RUNX3: variants seen among roughly 807,000 people sequenced by gnomAD.
The protein encoded by RUNX3 is runt-related transcription factor 3.
Under a neutral mutation model 27.7 loss-of-function variants are expected in RUNX3, and 10 were observed. The observed-to-expected ratio is 0.36, with a 90% CI of 0.22 to 0.61. RUNX3 has a LOEUF of 0.61. RUNX3 is among the 20% of genes least tolerant of loss of function. The pLI is 0.72. For synonymous variants in RUNX3, 270 were observed against 269.2 expected (o/e 1.00, Z -0.03); for missense variants, 469 against 629.5 (o/e 0.75, Z 2.73).
At chr1:24,947,759 T>G (rs1641647599) in intron 2 of RUNX3, among the ~76,000 whole-genome samples, 1 of 152,198 alleles carries the variant, frequency 6.6e-6, no homozygotes, top group Non-Finnish European at 1.5e-5. Context: ...CACCTGGAGT[T>G]CCCTGAATCC....
intron 2 of RUNX3, among the ~76,000 whole-genome samples, chr1:24,936,065 G>A (rs963285440): frequency 5.9e-5 from 9 of 152,212 alleles, no homozygotes; most frequent in African/African-American, 1.2e-4. Flanking sequence ...CATCAAACAC[G>A]GACTCTTCTA....
intron 2 of RUNX3, among the ~76,000 whole-genome samples, chr1:24,944,693 G>A (rs570282343): frequency 8.5e-5 from 13 of 152,320 alleles, no homozygotes; most frequent in African/African-American, 2.6e-4. Flanking sequence ...AGATGGCAGC[G>A]TGGGAAAAAC....
intron 2 of RUNX3, among the ~76,000 whole-genome samples, chr1:24,947,098 C>T (rs1230850389): frequency 2.6e-5 from 4 of 152,178 alleles, no homozygotes; most frequent in Admixed American, 6.5e-5. Flanking sequence ...TCTGTGTGTC[C>T]TCACGGTAAC....
Position 24,902,889 on chromosome 1 carries a change from G to C in RUNX3, c.704-223C>G, listed in dbSNP as rs1000752999. Among the ~76,000 whole-genome samples the C allele has an allele frequency of 6.6e-6, 1 of 150,792 alleles. No homozygotes were observed. The highest frequency in any genetic ancestry group is 2.4e-5 in the African/African-American group (1 of 41,420). On this transcript the variant is annotated intron_variant, in intron 4 of 4. Coordinates refer to ENST00000308873, the MANE Select transcript of RUNX3 (RefSeq NM_004350.3). This position sits in a 1 kb window ranked among gnomAD's most constrained non-coding sequence, Gnocchi z 9.2. The stretch of plus-strand genomic sequence containing the variant: ...TTGGAGCGTGCCCCGGGCCAAGAGG[G>C]GCCATGGGAGCCCCCCCACAGCAGC...
rs1641034938 is a variant in RUNX3, at chr1:24,923,263, G to A, written c.440-3919C>T. ...GGGGCCTAAGAGGAGGAGTGAGAGG[G>A]AGGGGCAGGAGTCCTGGACCTCGGG... On this transcript the variant is annotated intron_variant, in intron 2 of 4. Coordinates refer to ENST00000308873, the MANE Select transcript of RUNX3 (RefSeq NM_004350.3). The surrounding 1 kb of genome is among the most constrained non-coding windows in gnomAD (Gnocchi z 5.9). 6.6e-6 allele frequency among the ~76,000 whole-genome samples: 1 copy of A among 152,168 alleles called. No individual in the cohort carries two copies. The highest frequency in any genetic ancestry group is 3.2e-3 in the Middle Eastern group (1 of 316).
chr1:24,929,989 C>A lies in RUNX3; in HGVS notation c.-121G>T. The A allele has an allele frequency of 1.7e-6, 2 of 1,172,004 alleles. No homozygotes were observed. Among genetic ancestry groups the A allele is most frequent in the Non-Finnish European group, 2.1e-6 (2 of 951,026 alleles). 72.6% of individuals were successfully genotyped at this position (1,172,004 alleles called of 1,614,324 possible). On this transcript the variant is annotated 5_prime_UTR_variant, in exon 1 of 5. Transcript: ENST00000308873. ...AAGCGGGAAAGCAGAAGCGGCGGGG[C>A]CCGGGCCTCAGGGCGCAGGGGGCGG...
At chr1:24,942,177 G>A (rs544014721) in intron 2 of RUNX3, among the ~76,000 whole-genome samples, 2 of 152,168 alleles carry the variant, frequency 1.3e-5, no homozygotes, top group South Asian at 2.1e-4. Flanking sequence ...TTAGATGAGG[G>A]GGGGAGATGA....
At chr1:24,925,654 G>A (rs767558732) in intron 2 of RUNX3, among the ~76,000 whole-genome samples, 10 of 151,562 alleles carry the variant, frequency 6.6e-5, no homozygotes, top group Non-Finnish European at 1.0e-4. Context: ...CAAAGACCTC[G>A]AGCCTCTGAA....
intron 2 of RUNX3, among the ~76,000 whole-genome samples, chr1:24,924,480 C>A (rs1207235786): frequency 1.4e-5 from 2 of 144,060 alleles, no homozygotes; most frequent in East Asian, 4.0e-4. Flanking sequence ...AAAGACAGTT[C>A]TTTTTTTTTT....
At chr1:24,945,311 T>C (rs571586775) in intron 2 of RUNX3, among the ~76,000 whole-genome samples, 1 of 152,360 alleles carries the variant, frequency 6.6e-6, no homozygotes, top group African/African-American at 2.4e-5. Context: ...AAACCATTCC[T>C]GGGTATGTAT....
intron 3 of RUNX3, among the ~76,000 whole-genome samples, chr1:24,915,194 T>C (rs966523070): frequency 6.6e-6 from 1 of 152,024 alleles, no homozygotes; most frequent in African/African-American, 2.4e-5. Context: ...GAGGCTGAGG[T>C]GGGCGGATCA....
upstream of RUNX3, chr1:24,930,305 T>G: frequency 1.1e-5 from 10 of 873,214 alleles, no homozygotes; most frequent in Non-Finnish European, 1.2e-5. This position sits in a 1 kb window ranked among gnomAD's most constrained non-coding sequence, Gnocchi z 4.1. Context: ...GCGGGGTTAG[T>G]ACCCCCGGGG....
At chr1:24,936,758 G>A (rs1489849367) in intron 2 of RUNX3, among the ~76,000 whole-genome samples, 1 of 152,188 alleles carries the variant, frequency 6.6e-6, no homozygotes, top group African/African-American at 2.4e-5. Context: ...TCCCCAAAAA[G>A]GTCCTGATGA....
chr1:24,956,682 T>G (rs920967499), intron 2 of RUNX3, among the ~76,000 whole-genome samples: 5 of 151,914 alleles, frequency 3.3e-5, no homozygotes, highest in Non-Finnish European at 7.4e-5. Context: ...GGAGGTGGGG[T>G]GGGACAGAAC....
chr1:24,925,747 G>C (rs1263301555), intron 2 of RUNX3, among the ~76,000 whole-genome samples: 1 of 152,108 alleles, frequency 6.6e-6, no homozygotes, highest in Admixed American at 6.5e-5. Context: ...ACTGAGACTG[G>C]TTATGGACCT....
intron 2 of RUNX3, among the ~76,000 whole-genome samples, chr1:24,941,934 C>A (rs1422833634): frequency 6.6e-6 from 1 of 152,192 alleles, no homozygotes; most frequent in African/African-American, 2.4e-5. Flanking sequence ...CATAAGTTTC[C>A]ACTGGCAGGA....
upstream of RUNX3, among the ~76,000 whole-genome samples, chr1:24,931,114 TG>T (rs1463264384): frequency 6.6e-6 from 1 of 152,254 alleles, no homozygotes; most frequent in African/African-American, 2.4e-5. Flanking sequence ...ACCACGGTCC[TG>T]CATCGTGAAA....
upstream of RUNX3, among the ~76,000 whole-genome samples, chr1:24,933,549 C>T (rs923363646): frequency 4.6e-5 from 7 of 152,210 alleles, no homozygotes; most frequent in African/African-American, 7.2e-5. Context: ...CCATGCTGTC[C>T]TGATCCCTCA....
chr1:24,960,669 A>AG (rs1447868733), intron 2 of RUNX3, among the ~76,000 whole-genome samples: 93 of 151,258 alleles, frequency 6.1e-4, no homozygotes, highest in Non-Finnish European at 9.5e-4. Context: ...ACCTGGTGTG[A>AG]GGGGGGGGTG....
Sources: gnomAD v4.1 joint callset for allele counts (sites outside exome capture counted in the v4.1 genomes callset) on GRCh38, gnomAD v4.1.1 for gene constraint, Gnocchi (gnomAD v3.1) non-coding constraint, MANE v1.5 for transcripts, NCBI Gene and HGNC (gene_info 2026-07-23, HGNC 2026-07-21) for gene names.